Variants in NCKAP5 observed in about 807,000 individuals in gnomAD.
NCKAP5 encodes the protein nck-associated protein 5.
Under a neutral mutation model 167.0 loss-of-function variants are expected in NCKAP5, and 92 were observed. The ratio of observed to expected loss-of-function variants is 0.55; its 90% CI spans 0.47 to 0.66. NCKAP5 has a LOEUF of 0.66. Ranked by LOEUF, NCKAP5 falls within the 30% of genes least tolerant of loss-of-function variation. The pLI is 0.00. For synonymous variants in NCKAP5, 891 were observed against 877.4 expected (o/e 1.02, Z -0.27); for missense variants, 2,378 against 2,315.0 (o/e 1.03, Z -0.56).
At chr2:132,815,585 A>T (rs1436899698) in intron 11 of NCKAP5, among the ~76,000 whole-genome samples, 1 of 152,194 alleles carries the variant, frequency 6.6e-6, no homozygotes, top group Non-Finnish European at 1.5e-5. Flanking sequence ...TGGTAAATTT[A>T]TTTCATAAAC....
the NCKAP5 span, among the ~76,000 whole-genome samples, chr2:133,657,249 C>A: frequency 2.0e-5 from 3 of 152,304 alleles, no homozygotes; most frequent in African/African-American, 7.2e-5. Context: ...ACCCATCTTG[C>A]CCATGCCCCT....
At chr2:133,387,036 C>T (rs964582738) in intron 3 of NCKAP5, among the ~76,000 whole-genome samples, 1 of 152,156 alleles carries the variant, frequency 6.6e-6, no homozygotes, top group Admixed American at 6.5e-5. Flanking sequence ...GAGCATTTAG[C>T]CCATTTACAT....
intron 15 of NCKAP5, among the ~76,000 whole-genome samples, chr2:132,776,181 A>T (rs1390982962): frequency 6.6e-6 from 1 of 152,014 alleles, no homozygotes; most frequent in East Asian, 1.9e-4. Flanking sequence ...CCAAAGAACT[A>T]CTCTTTCTTA....
chr2:132,780,787 C>T (rs564386795), intron 15 of NCKAP5, among the ~76,000 whole-genome samples: 16 of 152,306 alleles, frequency 1.1e-4, no homozygotes, highest in African/African-American at 3.6e-4. Flanking sequence ...TGCCTGGACT[C>T]ACTGCGATTA....
intron 8 of NCKAP5, among the ~76,000 whole-genome samples, chr2:132,936,817 C>T (rs967205866): frequency 6.6e-6 from 1 of 152,016 alleles, no homozygotes; most frequent in African/African-American, 2.4e-5. Flanking sequence ...GCATATGTAT[C>T]AACTTTATAA....
chr2:132,783,012 C>A lies in NCKAP5; in HGVS notation c.3799G>T (p.Gly1267Cys). Reference sequence around the variant, plus strand: ...CTGCGGGCTTTGGCGCCATTCATACCCAGAGCTGGTTTTAGGTGTGGTTTG... The same window carrying A: ...CTGCGGGCTTTGGCGCCATTCATACACAGAGCTGGTTTTAGGTGTGGTTTG... Reference protein sequence around the residue: ...SSKPHLKPALGMNGAKARSHS... With the variant: ...SSKPHLKPALCMNGAKARSHS... Residue 1267 changes from glycine (G) to cysteine (C), a missense_variant, in exon 14 of 20, where the codon GGT becomes TGT. Coordinates refer to ENST00000409261, the MANE Select transcript of NCKAP5 (RefSeq NM_207363.3). The A allele has an allele frequency of 1.9e-6, 3 of 1,613,734 alleles. No homozygotes were observed. The highest frequency in any genetic ancestry group is 2.5e-6 in the Non-Finnish European group (3 of 1,179,808).
intron 5 of NCKAP5, among the ~76,000 whole-genome samples, chr2:133,175,832 G>T (rs2084436713): frequency 6.6e-6 from 1 of 152,102 alleles, no homozygotes; most frequent in African/African-American, 2.4e-5. Flanking sequence ...TTATTTGAGG[G>T]TACACTCTCA....
chr2:133,471,768 T>G (rs1389839473), intron 3 of NCKAP5, among the ~76,000 whole-genome samples: 1 of 152,096 alleles, frequency 6.6e-6, no homozygotes, highest in Non-Finnish European at 1.5e-5. Flanking sequence ...TCTCCCCTTG[T>G]CCTGACCAAA....
chr2:133,507,431 G>A (rs766040496), intron 3 of NCKAP5, among the ~76,000 whole-genome samples: 1 of 152,150 alleles, frequency 6.6e-6, no homozygotes, highest in Admixed American at 6.5e-5. Context: ...AAAAAGGTGC[G>A]GAAAGACAGA....
At chr2:133,410,597 T>A (rs1688714529) in intron 3 of NCKAP5, among the ~76,000 whole-genome samples, 1 of 152,188 alleles carries the variant, frequency 6.6e-6, no homozygotes, top group South Asian at 2.1e-4. Flanking sequence ...GCTATGCAGC[T>A]CTGTGCTTCT....
chr2:132,933,486 G>A (rs1437860882), intron 8 of NCKAP5, among the ~76,000 whole-genome samples: 1 of 152,136 alleles, frequency 6.6e-6, no homozygotes, highest in Admixed American at 6.5e-5. Context: ...AGGAATCCAA[G>A]GGAAATTTTT....
intron 3 of NCKAP5, among the ~76,000 whole-genome samples, chr2:133,515,385 T>C: frequency 6.6e-6 from 1 of 152,178 alleles, no homozygotes; most frequent in Admixed American, 6.5e-5. Flanking sequence ...GGAAAGGACA[T>C]CCTTTTTCAG....
chr2:132,781,286 T>G (rs1683011161), intron 14 of NCKAP5, 57 bp from the exon 15 acceptor site: 2 of 1,508,834 alleles, frequency 1.3e-6, no homozygotes, highest in South Asian at 2.5e-5. Context: ...TCAATCACTC[T>G]CCTTTTCCCA....
chr2:132,854,116 T>C (rs74591747), intron 11 of NCKAP5, among the ~76,000 whole-genome samples: 3,930 of 152,302 alleles, frequency 0.026, 169 homozygotes, highest in African/African-American at 0.088. Flanking sequence ...AACAAGGTTT[T>C]TGTCCCTAAG....
At chr2:133,315,999 G>A (rs561473843) in intron 3 of NCKAP5, among the ~76,000 whole-genome samples, 2 of 152,280 alleles carry the variant, frequency 1.3e-5, no homozygotes, top group South Asian at 2.1e-4. Context: ...GGAAAAGGGT[G>A]CATTCCAGGT....
intron 6 of NCKAP5, among the ~76,000 whole-genome samples, chr2:133,084,984 G>T (rs2080937229): frequency 6.6e-6 from 1 of 152,064 alleles, no homozygotes; most frequent in Non-Finnish European, 1.5e-5. Flanking sequence ...AAGCTTTGTA[G>T]GCCACATAGG....
intron 8 of NCKAP5, among the ~76,000 whole-genome samples, chr2:132,923,539 C>T (rs1695605789): frequency 6.6e-6 from 1 of 152,154 alleles, no homozygotes; most frequent in Non-Finnish European, 1.5e-5. Flanking sequence ...TGGTACAGTT[C>T]TGCAGAAGAA....
At chr2:133,131,066 C>T (rs1158728672) in intron 5 of NCKAP5, among the ~76,000 whole-genome samples, 1 of 152,166 alleles carries the variant, frequency 6.6e-6, no homozygotes, top group Non-Finnish European at 1.5e-5. Flanking sequence ...GTACCATGCA[C>T]TATGGATTAA....
At chr2:133,080,666 A>G (rs2080772203) in intron 6 of NCKAP5, among the ~76,000 whole-genome samples, 1 of 152,160 alleles carries the variant, frequency 6.6e-6, no homozygotes, top group African/African-American at 2.4e-5. Flanking sequence ...AACTAACACT[A>G]CACCATAATA....
Sources: gnomAD v4.1 joint callset for allele counts (sites outside exome capture counted in the v4.1 genomes callset) on GRCh38, gnomAD v4.1.1 for gene constraint, MANE v1.5 for transcripts, NCBI Gene and HGNC (gene_info 2026-07-23, HGNC 2026-07-21) for gene names.